BBS9: variants seen among roughly 807,000 people sequenced by gnomAD.
BBS9 encodes the protein protein PTHB1.
BBS9 carries 89 observed loss-of-function variants against 117.7 expected under a neutral mutation model. The observed-to-expected ratio is 0.76, with a 90% CI of 0.64 to 0.90. The LOEUF is 0.90. Among genes scored for constraint, BBS9 ranks in the 40% least tolerant of loss-of-function variants. The probability of loss-of-function intolerance (pLI) is 0.00; values close to 1 mark genes in which losing one functional copy is unlikely to be tolerated. For synonymous variants in BBS9, 379 were observed against 370.9 expected, an observed-to-expected ratio of 1.02 and a Z score of -0.25; for missense variants, 982 against 1,042.2, an observed-to-expected ratio of 0.94 and a Z score of 0.80.
chr7:33,169,714 C>T (rs1160945824), intron 4 of BBS9, among the ~76,000 whole-genome samples: 3 of 151,808 alleles, frequency 2.0e-5, no homozygotes, highest in Admixed American at 6.6e-5. Context: ...GATATTAGCC[C>T]TTTGTCAGAT....
At chr7:33,303,083 A>G (rs1806847321) in intron 9 of BBS9, among the ~76,000 whole-genome samples, 1 of 152,184 alleles carries the variant, frequency 6.6e-6, no homozygotes, top group African/African-American at 2.4e-5. Flanking sequence ...TTGTTGGCAT[A>G]TATAAATGCT....
rs138048428 is a variant in BBS9, at chr7:33,586,339, A to G, written c.2522-18526A>G. Among the ~76,000 whole-genome samples, 394 of 152,140 alleles carry G rather than the reference A, an allele frequency of 2.6e-3. 3 individuals are homozygous for G. Among genetic ancestry groups the G allele is most frequent in the African/African-American group, 8.9e-3 (369 of 41,502 alleles). On this transcript the variant is annotated intron_variant, in intron 21 of 22. Coordinates refer to ENST00000242067, the MANE Select transcript of BBS9 (RefSeq NM_198428.3). The stretch of plus-strand genomic sequence containing the variant: ...AAATGCCACCCAAAACCACAATGGG[A>G]TACCAACTCACACCAGTCAGAATGG...
At chr7:33,528,772 T>G (rs1242667867) in intron 20 of BBS9, among the ~76,000 whole-genome samples, 2 of 152,326 alleles carry the variant, frequency 1.3e-5, no homozygotes, top group East Asian at 3.9e-4. Flanking sequence ...TGAGTGAGGT[T>G]AAGTCAGAAC....
intron 19 of BBS9, among the ~76,000 whole-genome samples, chr7:33,406,238 T>C (rs1829960604): frequency 6.6e-6 from 1 of 152,228 alleles, no homozygotes; most frequent in African/African-American, 2.4e-5. Flanking sequence ...CTTTTACATT[T>C]GCTGGGGAGA....
chr7:33,208,859 C>T (rs1385614928), intron 5 of BBS9, among the ~76,000 whole-genome samples: 1 of 151,570 alleles, frequency 6.6e-6, no homozygotes, highest in African/African-American at 2.4e-5. Context: ...TTATGGGGTA[C>T]ATGAGATATT....
intron 21 of BBS9, among the ~76,000 whole-genome samples, chr7:33,562,955 C>A (rs539726912): frequency 8.7e-4 from 133 of 152,066 alleles, no homozygotes; most frequent in African/African-American, 3.1e-3. Context: ...GAAAGGAGAC[C>A]ATTCTTAACA....
At chr7:33,398,886 A>G (rs1273788389) in intron 19 of BBS9, among the ~76,000 whole-genome samples, 1 of 152,144 alleles carries the variant, frequency 6.6e-6, no homozygotes, top group Non-Finnish European at 1.5e-5. Flanking sequence ...GGCTTTCACC[A>G]TGTTGGCCAG....
intron 4 of BBS9, among the ~76,000 whole-genome samples, chr7:33,162,850 G>C (rs866048073): frequency 3.9e-5 from 6 of 152,158 alleles, no homozygotes; most frequent in African/African-American, 1.4e-4. Context: ...GCCCTGGCCA[G>C]AACTTCCAAC....
At chr7:33,446,501 G>A (rs1837013709) in intron 19 of BBS9, among the ~76,000 whole-genome samples, 1 of 152,002 alleles carries the variant, frequency 6.6e-6, no homozygotes, top group African/African-American at 2.4e-5. Context: ...GCAAACATGA[G>A]GTATCAATTT....
chr7:33,249,758 A>G (rs952899451), intron 5 of BBS9, among the ~76,000 whole-genome samples: 16 of 152,136 alleles, frequency 1.1e-4, no homozygotes, highest in African/African-American at 3.9e-4. Context: ...TTGAGGAGTC[A>G]TTGTTAAGAT....
intron 19 of BBS9, among the ~76,000 whole-genome samples, chr7:33,469,385 T>A (rs1840658556): frequency 6.6e-6 from 1 of 152,186 alleles, no homozygotes; most frequent in Non-Finnish European, 1.5e-5. Context: ...AATGAGTTCA[T>A]GGACTTTATA....
At position 33,146,270 on chromosome 7, in the gene BBS9, C is replaced by T. The variant is rs747632366; in HGVS notation, c.18C>T (p.Ala6=). MSLFK[A]RDWWSTILGD... ...GAAAGAAAATGTCTTTATTTAAAGC[C>T]CGTGATTGGTGGTCTACTATTCTGG... Residue 6 remains alanine (A), a synonymous_variant, in exon 2 of 23, where the codon GCC becomes GCT. Transcript: ENST00000242067. 7 of 1,613,362 alleles carry T rather than the reference C, an allele frequency of 4.3e-6. No homozygotes were observed. Among genetic ancestry groups the T allele is most frequent in the Non-Finnish European group, 5.9e-6 (7 of 1,179,514 alleles).
intron 4 of BBS9, among the ~76,000 whole-genome samples, chr7:33,163,020 T>C (rs1159261309): frequency 1.3e-5 from 2 of 152,244 alleles, no homozygotes; most frequent in East Asian, 3.8e-4. Flanking sequence ...ACCTAGTTTA[T>C]TGAGAGTTGT....
intron 21 of BBS9, among the ~76,000 whole-genome samples, chr7:33,574,727 G>GCACACACACACACACA (rs1306311667): frequency 1.1e-5 from 1 of 88,862 alleles, no homozygotes; most frequent in African/African-American, 3.2e-5. Flanking sequence ...ACACACACAC[G>GCACACACACACACACA]CGCACACACA....
intron 12 of BBS9, 109 bp from the exon 13 acceptor site, chr7:33,348,959 C>A: frequency 1.3e-6 from 1 of 756,590 alleles, no homozygotes; most frequent in Non-Finnish European, 2.3e-6. Flanking sequence ...TCATTTTTTC[C>A]TCAGGTAATA....
intron 5 of BBS9, among the ~76,000 whole-genome samples, chr7:33,211,056 T>C (rs1787917806): frequency 6.6e-6 from 1 of 152,240 alleles, no homozygotes; most frequent in South Asian, 2.1e-4. Context: ...TCATTCTATG[T>C]GTATCTTTTT....
At chr7:33,456,543 T>G (rs1838676499) in intron 19 of BBS9, among the ~76,000 whole-genome samples, 2 of 152,140 alleles carry the variant, frequency 1.3e-5, no homozygotes, top group Non-Finnish European at 2.9e-5. Flanking sequence ...TCTAGGTGGG[T>G]TTTATGGTTG....
intron 21 of BBS9, among the ~76,000 whole-genome samples, chr7:33,630,453 C>T (rs1389882522): frequency 1.3e-5 from 2 of 152,068 alleles, no homozygotes; most frequent in African/African-American, 4.8e-5. Context: ...GCACTTACTG[C>T]CTGTTGAGCC....
At chr7:33,178,189 G>A (rs572492973) in intron 5 of BBS9, among the ~76,000 whole-genome samples, 3 of 152,316 alleles carry the variant, frequency 2.0e-5, no homozygotes, top group South Asian at 4.1e-4. Flanking sequence ...GAAGAGTGGG[G>A]GATGTGGGTC....
Sources: gnomAD v4.1 joint callset for allele counts (sites outside exome capture counted in the v4.1 genomes callset) on GRCh38, gnomAD v4.1.1 for gene constraint, MANE v1.5 for transcripts, NCBI Gene and HGNC (gene_info 2026-07-23, HGNC 2026-07-21) for gene names.